The following GRID2 variants were observed in gnomAD, a reference collection of about 807,000 sequenced individuals.
GRID2 encodes glutamate receptor ionotropic, delta-2.
Under a neutral mutation model 114.8 loss-of-function variants are expected in GRID2, and 33 were observed. The ratio of observed to expected loss-of-function variants is 0.29; its 90% CI spans 0.22 to 0.38. The LOEUF is 0.38. Ranked by LOEUF, GRID2 falls within the 10% of genes least tolerant of loss-of-function variation. GRID2 has a pLI of 1.00. For synonymous variants in GRID2, 505 were observed against 449.9 expected, an observed-to-expected ratio of 1.12 and a Z score of -1.55; for missense variants, 1,184 against 1,257.7, an observed-to-expected ratio of 0.94 and a Z score of 0.89.
intron 8 of GRID2, among the ~76,000 whole-genome samples, chr4:93,378,289 A>T (rs752574831): frequency 6.6e-6 from 1 of 152,164 alleles, no homozygotes; most frequent in Non-Finnish European, 1.5e-5. Flanking sequence ...TGGTTTCCAC[A>T]TAAAGTAATG....
At chr4:93,731,846 A>G (rs146245682) in intron 14 of GRID2, among the ~76,000 whole-genome samples, 1 of 152,156 alleles carries the variant, frequency 6.6e-6, no homozygotes, top group African/African-American at 2.4e-5. Context: ...CTGGGCCTTG[A>G]CAGTCCTCAT....
At chr4:93,722,978 T>G (rs1431569920) in intron 14 of GRID2, among the ~76,000 whole-genome samples, 1 of 152,210 alleles carries the variant, frequency 6.6e-6, no homozygotes, top group Non-Finnish European at 1.5e-5. Context: ...TTCTCTGTGT[T>G]CTGGGTACAG....
At chr4:92,558,879 A>G (rs1428048742) in intron 1 of GRID2, among the ~76,000 whole-genome samples, 1 of 152,170 alleles carries the variant, frequency 6.6e-6, no homozygotes, top group Admixed American at 6.5e-5. Flanking sequence ...TCTCAGATAT[A>G]TTTGTGGCTG....
chr4:93,216,949 T>C, intron 6 of GRID2, 38 bp downstream of exon 6: 1 of 1,459,522 alleles, frequency 6.9e-7, no homozygotes, highest in Non-Finnish European at 9.6e-7. Flanking sequence ...TCCAGGGTGC[T>C]TTGTTGGGCA....
intron 2 of GRID2, among the ~76,000 whole-genome samples, chr4:92,620,126 G>C (rs1730195968): frequency 6.6e-6 from 1 of 151,734 alleles, no homozygotes; most frequent in Admixed American, 6.6e-5. Flanking sequence ...GATAAGACTG[G>C]CATGGGAGAT....
chr4:92,533,491 A>T (rs1326438622), intron 1 of GRID2, among the ~76,000 whole-genome samples: 1 of 151,990 alleles, frequency 6.6e-6, no homozygotes, highest in Admixed American at 6.6e-5. Flanking sequence ...ATACACACAC[A>T]GGGTACCTTA....
intron 2 of GRID2, among the ~76,000 whole-genome samples, chr4:92,655,554 C>T (rs1732183252): frequency 1.3e-5 from 2 of 151,830 alleles, no homozygotes; most frequent in South Asian, 4.1e-4. Flanking sequence ...ATTTCTTTCA[C>T]TGGTGTTTTA....
chr4:93,006,653 C>A (rs1376244284), intron 2 of GRID2, among the ~76,000 whole-genome samples: 3 of 149,588 alleles, frequency 2.0e-5, no homozygotes, highest in African/African-American at 4.9e-5. Flanking sequence ...TATAAAAACA[C>A]CCCCAATTAA....
chr4:92,365,429 C>T (rs1298327023), intron 1 of GRID2, among the ~76,000 whole-genome samples: 1 of 151,764 alleles, frequency 6.6e-6, no homozygotes, highest in Admixed American at 6.6e-5. Context: ...ATTTAAAAAA[C>T]ATTGATTTCA....
At chr4:92,929,990 C>T (rs765234160) in intron 2 of GRID2, among the ~76,000 whole-genome samples, 67 of 151,320 alleles carry the variant, frequency 4.4e-4, no homozygotes, top group Admixed American at 4.0e-4. Flanking sequence ...TTCAATATTT[C>T]TGGTGAAAAT....
chr4:92,779,631 A>G (rs112927736), intron 2 of GRID2, among the ~76,000 whole-genome samples: 3 of 152,206 alleles, frequency 2.0e-5, no homozygotes, highest in African/African-American at 7.2e-5. Flanking sequence ...ATGTCCAACT[A>G]TGGCATCCTT....
chr4:93,792,404 C>T (rs1734712863), intron 1 of GRID2, among the ~76,000 whole-genome samples: 1 of 151,946 alleles, frequency 6.6e-6, no homozygotes, highest in Non-Finnish European at 1.5e-5. Flanking sequence ...AAGCCACTTT[C>T]TTCTTGGAAG....
chr4:92,923,346 A>G (rs958999136), intron 2 of GRID2, among the ~76,000 whole-genome samples: 1 of 152,150 alleles, frequency 6.6e-6, no homozygotes, highest in African/African-American at 2.4e-5. Context: ...CTTTCAGAAA[A>G]CTTGATATGG....
At position 92,953,705 on chromosome 4, in the gene GRID2, T is replaced by A. The variant is rs185155402; in HGVS notation, c.245-131290T>A. The stretch of plus-strand genomic sequence containing the variant: ...ATATGATGATTCATTAGCAATGAGC[T>A]CTCACTGAGAGTCCCAACAAGCTGA... On this transcript the variant is annotated intron_variant, in intron 2 of 15. Coordinates refer to ENST00000282020, the MANE Select transcript of GRID2 (RefSeq NM_001510.4). Among the ~76,000 whole-genome samples, 147 of 152,148 alleles carry A rather than the reference T, an allele frequency of 9.7e-4. No homozygotes were observed. In the Middle Eastern group the frequency reaches 0.021, roughly 21 times the overall value.
At chr4:93,741,908 G>A (rs1419707469) in intron 14 of GRID2, among the ~76,000 whole-genome samples, 4 of 142,184 alleles carry the variant, frequency 2.8e-5, no homozygotes, top group Admixed American at 2.2e-4. Flanking sequence ...TGGGTGACAA[G>A]AGTGAGACTC....
rs576752411 is a variant in GRID2, at chr4:92,783,201, A to G, written c.244+192915A>G. 3.9e-5 allele frequency among the ~76,000 whole-genome samples: 6 copies of G among 152,238 alleles called. No homozygotes were observed. In the East Asian group the frequency reaches 7.8e-4, roughly 20 times the overall value. ...AATAGTTCTGAAGCAAGGGCTATGAAGACACAATTTGGAATAGCTATGTTG... is the reference window on the plus strand; with the variant it reads ...AATAGTTCTGAAGCAAGGGCTATGAGGACACAATTTGGAATAGCTATGTTG... On this transcript the variant is annotated intron_variant, in intron 2 of 15. Coordinates refer to ENST00000282020, the MANE Select transcript of GRID2 (RefSeq NM_001510.4).
intron 13 of GRID2, among the ~76,000 whole-genome samples, chr4:93,555,846 G>A (rs568298807): frequency 3.9e-5 from 6 of 152,204 alleles, no homozygotes; most frequent in East Asian, 3.9e-4. Context: ...CAGACACCTC[G>A]TATAGGAGCA....
chr4:92,475,132 T>TA (rs1341351447), intron 1 of GRID2, among the ~76,000 whole-genome samples: 1 of 58,450 alleles, frequency 1.7e-5, no homozygotes, highest in African/African-American at 7.2e-5. Context: ...TAATAATAAA[T>TA]AATAATAATA....
intron 2 of GRID2, among the ~76,000 whole-genome samples, chr4:92,750,261 T>A (rs1268217793): frequency 6.6e-6 from 1 of 152,158 alleles, no homozygotes; most frequent in Admixed American, 6.5e-5. Flanking sequence ...GAACCCAGTA[T>A]CTGTTACTAT....
Sources: allele counts gnomAD v4.1 joint callset (sites outside exome capture counted in the v4.1 genomes callset), GRCh38; gene constraint gnomAD v4.1.1; transcripts MANE v1.5; gene names NCBI Gene and HGNC (gene_info 2026-07-23, HGNC 2026-07-21).